GCN1: variants seen among roughly 807,000 people sequenced by gnomAD.
GCN1 encodes the protein stalled ribosome sensor GCN1.
A neutral mutation model predicts 288.4 loss-of-function variants in GCN1; 90 were observed. The ratio of observed to expected loss-of-function variants is 0.31; its 90% CI spans 0.26 to 0.37. The LOEUF is 0.37. GCN1 is among the 10% of genes least tolerant of loss of function. The pLI is 1.00. For missense variants in GCN1, 2,586 were observed against 3,419.9 expected, an observed-to-expected ratio of 0.76 and a Z score of 6.08; for synonymous variants, 1,386 against 1,420.2, an observed-to-expected ratio of 0.98 and a Z score of 0.54.
At chr12:120,152,751 T>C (rs1346659681) in intron 33 of GCN1, among the ~76,000 whole-genome samples, 1 of 151,348 alleles carries the variant, frequency 6.6e-6, no homozygotes. Context: ...CACTGTAGCT[T>C]AGAGGCTACA....
At chr12:120,167,434 A>C (rs997555569) in intron 16 of GCN1, among the ~76,000 whole-genome samples, 3 of 152,142 alleles carry the variant, frequency 2.0e-5, no homozygotes, top group Non-Finnish European at 4.4e-5. Flanking sequence ...AGCACAGTAC[A>C]TACGGCAGGC....
At chr12:120,167,150 A>C (rs1328809938) in intron 16 of GCN1, among the ~76,000 whole-genome samples, 1 of 150,748 alleles carries the variant, frequency 6.6e-6, no homozygotes, top group Non-Finnish European at 1.5e-5. Flanking sequence ...GACCAGCCTG[A>C]CCAACATGGA....
At position 120,182,930 on chromosome 12, in the gene GCN1, G is replaced by A. The variant is rs184647835; in HGVS notation, c.426+639C>T. ...AGCCTGAGCAACAGAGCAAGACTCC[G>A]TCTCAAAAAAAAAAAAAAAAAACTA... On this transcript the variant is annotated intron_variant, in intron 5 of 57. Transcript: ENST00000300648. Among the ~76,000 whole-genome samples the A allele has an allele frequency of 2.0e-4, 25 of 122,274 alleles. No homozygotes were observed. The East Asian group carries it at 4.8e-3, about 23-fold the overall frequency. 80.2% of individuals were successfully genotyped at this position (122,274 alleles called of 152,430 possible).
intron 45 of GCN1, 27 bp downstream of exon 45, chr12:120,140,832 C>T: frequency 6.2e-7 from 1 of 1,606,822 alleles, no homozygotes; most frequent in South Asian, 1.1e-5. Context: ...CAGTGCACAG[C>T]TGGCGGGATC....
Position 120,137,872 on chromosome 12 carries a change from G to T in GCN1, c.6393+29C>A, listed in dbSNP as rs1877062497. ...GGGATCCTCCGGGCAGACGGGACAT[G>T]AGAAAGCAGGAGCAGGCTCGCCCCT... On this transcript the variant is annotated intron_variant, in intron 48 of 57. Transcript: ENST00000300648. This position sits in a 1 kb window ranked among gnomAD's most constrained non-coding sequence, Gnocchi z 5.2. 1 of 1,613,288 alleles carries T rather than the reference G, an allele frequency of 6.2e-7. No individual in the cohort carries two copies. The highest frequency in any genetic ancestry group is 1.3e-5 in the African/African-American group (1 of 74,930).
chr12:120,176,095 C>A, intron 10 of GCN1, 48 bp downstream of exon 10: 1 of 1,444,370 alleles, frequency 6.9e-7, no homozygotes, highest in Non-Finnish European at 9.8e-7. Context: ...CAAGTACAAC[C>A]AAACCCAAGG....
At chr12:120,151,412 C>A in intron 33 of GCN1, 21 bp from the exon 34 acceptor site, 2 of 1,611,774 alleles carry the variant, frequency 1.2e-6, no homozygotes, top group South Asian at 2.2e-5. Flanking sequence ...GCCCACCTGT[C>A]AATGCTGTGG....
chr12:120,134,936 G>A lies in GCN1; in HGVS notation c.7009-210C>T, dbSNP rs1316194398. ...ATATCCAGCATGCTTTGATACACTG[G>A]AGGAGCAGGAGGCCGAGGAGGCGGC... is the stretch of plus-strand genomic sequence containing the variant. On this transcript the variant is annotated intron_variant, in intron 51 of 57. Coordinates refer to ENST00000300648, the MANE Select transcript of GCN1 (RefSeq NM_006836.2). The surrounding 1 kb of genome is among the most constrained non-coding windows in gnomAD (Gnocchi z 5.0). Among the ~76,000 whole-genome samples the A allele has an allele frequency of 6.6e-6, 1 of 152,224 alleles. No homozygotes were observed. Among genetic ancestry groups the A allele is most frequent in the Non-Finnish European group, 1.5e-5 (1 of 68,040 alleles).
At chr12:120,141,125 T>C in intron 44 of GCN1, 102 bp from the exon 45 acceptor site, 3 of 949,032 alleles carry the variant, frequency 3.2e-6, no homozygotes, top group South Asian at 1.6e-5. Context: ...AGGCTTTATC[T>C]GAATCACTGA....
At position 120,153,180 on chromosome 12, in the gene GCN1, C is replaced by T. The variant is rs376908111; in HGVS notation, c.4062+33G>A. On this transcript the variant is annotated intron_variant, in intron 33 of 57. Transcript: ENST00000300648. This position sits in a 1 kb window ranked among gnomAD's most constrained non-coding sequence, Gnocchi z 4.4. ...CACAGCCGGGTCCCAATTCTCTAAC[C>T]GACATGTGGGTCCCAGGCCAGATGG... 7.5e-6 allele frequency: 12 copies of T among 1,592,606 alleles called. No homozygotes were observed. Among genetic ancestry groups the T allele is most frequent in the South Asian group, 5.5e-5 (5 of 90,426 alleles).
At chr12:120,136,849 A>T (rs1877020963) in intron 50 of GCN1, 117 bp from the exon 51 acceptor site, 1 of 720,854 alleles carries the variant, frequency 1.4e-6, no homozygotes, top group Non-Finnish European at 2.4e-6. Context: ...GGAGATATTG[A>T]TTTGGGCTGA....
intron 1 of GCN1, among the ~76,000 whole-genome samples, chr12:120,192,837 A>T (rs1879048785): frequency 6.8e-6 from 1 of 148,132 alleles, no homozygotes; most frequent in African/African-American, 2.5e-5. Flanking sequence ...TTGAGGTCAG[A>T]AGTTCGAGAC....
At chr12:120,164,297 G>A (rs757363098) in intron 18 of GCN1, 39 bp downstream of exon 18, 1 of 1,576,662 alleles carries the variant, frequency 6.3e-7, no homozygotes, top group Non-Finnish European at 8.7e-7. Context: ...CAGCTAAGTG[G>A]ATCCAAGAGC....
Position 120,163,167 on chromosome 12 carries a change from C to T in GCN1, c.1941G>A (p.Leu647=), listed in dbSNP as rs892662591. 1.2e-6 allele frequency: 2 copies of T among 1,614,168 alleles called. No homozygotes were observed. The highest frequency in any genetic ancestry group is 4.5e-5 in the East Asian group (2 of 44,880). The change falls in exon 19 of 58, where the codon CTG becomes CTA. Residue 647 remains leucine (L), a synonymous_variant. Transcript: ENST00000300648. ...YVPPRVLQEA[L]CVISGVPGLK... The stretch of plus-strand genomic sequence containing the variant: ...GCCCTGGCACACCGGAGATGACACA[C>T]AGAGCCTCCTGCAGGACCCGTGGAG...
chr12:120,177,150 C>T (rs1878505288), intron 9 of GCN1, among the ~76,000 whole-genome samples: 1 of 152,144 alleles, frequency 6.6e-6, no homozygotes, highest in Non-Finnish European at 1.5e-5. Flanking sequence ...GCAACTTCCA[C>T]TTCCTGGGCT....
In GCN1 at chr12:120,127,889, G is replaced by A. The variant is rs1254584074; in HGVS notation, c.7976C>T (p.Ala2659Val). ...RRSLKKLASQ[A>V]DSTEQVDDTI... The stretch of plus-strand genomic sequence containing the variant: ...GTCGTCCACCTGCTCCGTGGAGTCG[G>A]CCTGGCTGGCCAGCTTCTTCAGGGA... Residue 2659 changes from alanine to valine, a missense_variant, in exon 58 of 58, where the codon GCC becomes GTC. Coordinates refer to ENST00000300648, the MANE Select transcript of GCN1 (RefSeq NM_006836.2). 3 of 1,614,070 alleles carry A rather than the reference G, an allele frequency of 1.9e-6. No homozygotes were observed. In the East Asian group the frequency reaches 6.7e-5, roughly 36 times the overall value.
chr12:120,149,527 C>A (rs1877470741), intron 36 of GCN1, 79 bp downstream of exon 36: 1 of 970,942 alleles, frequency 1.0e-6, no homozygotes, highest in African/African-American at 1.6e-5. Context: ...AGGACAAGAG[C>A]TGTGGCTACC....
Position 120,162,812 on chromosome 12 carries a change from G to A in GCN1, c.2163+35C>T, listed in dbSNP as rs201492912. The stretch of plus-strand genomic sequence containing the variant: ...CACTGTGATGAGAGGGCCCCCTCCC[G>A]GACCTGAGGCCAGACCAGCTCATGT... On this transcript the variant is annotated intron_variant, in intron 20 of 57. Coordinates refer to ENST00000300648, the MANE Select transcript of GCN1 (RefSeq NM_006836.2). The A allele has an allele frequency of 1.2e-4, 197 of 1,609,202 alleles. 1 individual carries two copies. Among genetic ancestry groups the A allele is most frequent in the Non-Finnish European group, 1.6e-4 (185 of 1,177,588 alleles).
At position 120,156,674 on chromosome 12, in the gene GCN1, G is replaced by T; in HGVS notation, c.3169-70C>A. The T allele has an allele frequency of 1.3e-6, 2 of 1,500,396 alleles. No individual in the cohort carries two copies. Among genetic ancestry groups the T allele is most frequent in the Non-Finnish European group, 1.8e-6 (2 of 1,085,638 alleles). The allele number at this position is 1,500,396 out of a possible 1,614,324, so 92.9% of individuals were successfully genotyped here. ...CTACTAGGGGGCCAGAGAGGGATATGCACTGAGAACACCCACCCCTACAGC... is the reference window on the plus strand; with the variant it reads ...CTACTAGGGGGCCAGAGAGGGATATTCACTGAGAACACCCACCCCTACAGC... On this transcript the variant is annotated intron_variant, in intron 27 of 57. Coordinates refer to ENST00000300648, the MANE Select transcript of GCN1 (RefSeq NM_006836.2). The surrounding 1 kb of genome is among the most constrained non-coding windows in gnomAD (Gnocchi z 5.8).
Sources: gnomAD v4.1 joint callset for allele counts (sites outside exome capture counted in the v4.1 genomes callset) on GRCh38, gnomAD v4.1.1 for gene constraint, Gnocchi (gnomAD v3.1) non-coding constraint, MANE v1.5 for transcripts, NCBI Gene and HGNC (gene_info 2026-07-23, HGNC 2026-07-21) for gene names.